Variants in FMO5 observed in about 807,000 individuals in gnomAD.
FMO5 encodes the protein flavin containing dimethylaniline monoxygenase 5.
In FMO5, 51 loss-of-function variants were observed where a neutral mutation model predicts 43.6. That is an observed-to-expected ratio of 1.17 (90% CI 0.93 to 1.48). The LOEUF (loss-of-function observed/expected upper bound fraction) is 1.48. FMO5 is among the 40% of genes most tolerant of loss of function. The pLI is 0.00. For missense variants in FMO5, 644 were observed against 643.0 expected (o/e 1.00, Z -0.02); for synonymous variants, 187 against 216.5 (o/e 0.86, Z 1.20).
chr1:147,224,784 A>T, intron 2 of FMO5, 111 bp downstream of exon 2: 1 of 984,380 alleles, frequency 1.0e-6, no homozygotes, highest in Non-Finnish European at 1.6e-6. Context: ...TGCTAGGATT[A>T]CAGGCGTGTG....
intron 6 of FMO5, chr1:147,203,330 C>A: frequency 6.3e-7 from 1 of 1,582,876 alleles, no homozygotes; most frequent in Non-Finnish European, 8.7e-7. Context: ...TTGGGCCCAC[C>A]ATCTGGTTTT....
chr1:147,218,935 C>A lies in FMO5; in HGVS notation c.136-2993G>T, dbSNP rs115994542. Among the ~76,000 whole-genome samples, 904 of 152,290 alleles carry A rather than the reference C, an allele frequency of 5.9e-3. 4 individuals are homozygous for A. The highest frequency in any genetic ancestry group is 0.01 in the Middle Eastern group (3 of 294). On this transcript the variant is annotated intron_variant, in intron 2 of 8. Coordinates refer to ENST00000254090, the MANE Select transcript of FMO5 (RefSeq NM_001461.4). ...ATTCATCCTCCAAGCTCCCAAAACTCTCTGTTCATATTTCTATAAAGATAA... is the reference window on the plus strand; with the variant it reads ...ATTCATCCTCCAAGCTCCCAAAACTATCTGTTCATATTTCTATAAAGATAA...
rs371682227 is a variant in FMO5 at position 147,201,224 on chromosome 1, A to T, written c.1111T>A (p.Leu371Met). ...LERPTLAIIGLIQPLGAIMPI... is the reference protein window; with the variant it reads ...LERPTLAIIGMIQPLGAIMPI... ...ATAATGGCTCCTAAGGGCTGAATCAAGCCTATGATTGCAAGAGTTGGCCTT... is the reference window on the plus strand; with the variant it reads ...ATAATGGCTCCTAAGGGCTGAATCATGCCTATGATTGCAAGAGTTGGCCTT... The change falls in exon 7 of 9, where the codon TTG (leucine) becomes ATG (methionine). Residue 371 changes from leucine to methionine, a missense_variant. Physicochemically the swap from Leu to Met is conservative, Grantham distance 15 (BLOSUM62 2). Coordinates refer to ENST00000254090, the MANE Select transcript of FMO5 (RefSeq NM_001461.4). 8.7e-6 allele frequency: 14 copies of T among 1,614,076 alleles called. No homozygotes were observed. In the African/African-American group the frequency reaches 1.5e-4, roughly 17 times the overall value.
At chr1:147,221,606 T>C (rs1264933206) in intron 2 of FMO5, among the ~76,000 whole-genome samples, 4 of 152,346 alleles carry the variant, frequency 2.6e-5, no homozygotes, top group East Asian at 3.9e-4. Context: ...ATTTAGAAAG[T>C]CCCTCTGTAA....
upstream of FMO5, among the ~76,000 whole-genome samples, chr1:147,227,076 G>A (rs992709806): frequency 5.3e-5 from 8 of 152,158 alleles, no homozygotes; most frequent in Non-Finnish European, 7.3e-5. Flanking sequence ...TGATCCACCT[G>A]CCTTGGCCTC....
At chr1:147,189,530 C>G (rs1553917968) in intron 8 of FMO5, among the ~76,000 whole-genome samples, 1 of 152,134 alleles carries the variant, frequency 6.6e-6, no homozygotes, top group African/African-American at 2.4e-5. Flanking sequence ...ATGATTGTGT[C>G]TCTCAGTTTT....
intron 6 of FMO5, among the ~76,000 whole-genome samples, 153 bp from the exon 7 acceptor site, chr1:147,201,657 G>C (rs1553921039): frequency 6.6e-6 from 1 of 152,166 alleles, no homozygotes; most frequent in African/African-American, 2.4e-5. Flanking sequence ...ATTTATACTA[G>C]GTTGGCACAG....
intron 5 of FMO5, chr1:147,210,023 A>G (rs1660835826): frequency 6.6e-6 from 1 of 152,176 alleles, no homozygotes; most frequent in Non-Finnish European, 1.5e-5. Context: ...ACTTCCATTT[A>G]TTGGGATTTG....
chr1:147,204,114 T>G, intron 6 of FMO5: 1 of 1,059,580 alleles, frequency 9.4e-7, no homozygotes, highest in Non-Finnish European at 1.5e-6. Context: ...TCCATGAGAT[T>G]TTCTTCTCCC....
chr1:147,223,282 C>T (rs1553926708), intron 2 of FMO5, among the ~76,000 whole-genome samples: 1 of 152,136 alleles, frequency 6.6e-6, no homozygotes. Context: ...GATGATGATA[C>T]ACGTATGCAG....
At chr1:147,190,641 G>C (rs1413417537) in intron 7 of FMO5, among the ~76,000 whole-genome samples, 1 of 151,932 alleles carries the variant, frequency 6.6e-6, no homozygotes, top group Non-Finnish European at 1.5e-5. Flanking sequence ...GATAACAAAG[G>C]GACCTTATAT....
At chr1:147,193,202 A>G (rs1158186569) in intron 7 of FMO5, among the ~76,000 whole-genome samples, 8 of 152,172 alleles carry the variant, frequency 5.3e-5, no homozygotes, top group African/African-American at 1.9e-4. Flanking sequence ...TTATTGGTCT[A>G]TTCAGAGATT....
intron 2 of FMO5, among the ~76,000 whole-genome samples, chr1:147,217,908 T>C (rs1662293552): frequency 6.6e-6 from 1 of 152,178 alleles, no homozygotes; most frequent in Admixed American, 6.5e-5. Flanking sequence ...GTACTCATGG[T>C]TTTCCCCACA....
In FMO5 at chr1:147,225,012, A is replaced by G; in HGVS notation, c.18T>C (p.Ile6=). Residue 6 remains isoleucine, a synonymous_variant, in exon 2 of 9, where the codon ATT becomes ATC. Coordinates refer to ENST00000254090, the MANE Select transcript of FMO5 (RefSeq NM_001461.4). MTKKR[I]AVIGGGVSGL... ...CGCTCACTCCTCCCCCAATCACAGC[A>G]ATTCTTTTCTTAGTCATGGTCTCCC... 6.2e-7 allele frequency: 1 copy of G among 1,612,932 alleles called. No individual in the cohort carries two copies. The highest frequency in any genetic ancestry group is 1.1e-5 in the South Asian group (1 of 91,060).
chr1:147,220,591 A>G (rs587698490), intron 2 of FMO5, among the ~76,000 whole-genome samples: 1 of 152,346 alleles, frequency 6.6e-6, no homozygotes, highest in Non-Finnish European at 1.5e-5. Context: ...GCAAAAACTG[A>G]CAAACGCTAT....
At chr1:147,198,700 A>C (rs1291777433) in intron 7 of FMO5, among the ~76,000 whole-genome samples, 6 of 151,936 alleles carry the variant, frequency 3.9e-5, no homozygotes, top group South Asian at 2.1e-4. Flanking sequence ...AACACAAAAA[A>C]ACTAGCCGGG....
At chr1:147,191,447 T>A (rs2101725183) in intron 7 of FMO5, among the ~76,000 whole-genome samples, 1 of 152,300 alleles carries the variant, frequency 6.6e-6, no homozygotes. Flanking sequence ...ATGATGAGAA[T>A]TTTTTCATGT....
At chr1:147,206,937 A>AATAT (rs1474988387) in intron 6 of FMO5, among the ~76,000 whole-genome samples, 1 of 151,664 alleles carries the variant, frequency 6.6e-6, no homozygotes, top group Non-Finnish European at 1.5e-5. Context: ...GTATAATAAA[A>AATAT]ATATATATAT....
Position 147,219,840 on chromosome 1 carries a change from C to CTTT in FMO5, c.136-3901_136-3899dup, listed in dbSNP as rs71083821. Among the ~76,000 whole-genome samples, 42 of 132,868 alleles carry CTTT rather than the reference C, an allele frequency of 3.2e-4. 1 individual carries two copies. Among genetic ancestry groups the CTTT allele is most frequent in the Admixed American group, 6.9e-4 (9 of 13,100 alleles). The allele number at this position is 132,868 out of a possible 152,430, so 87.2% of individuals were successfully genotyped here. A position where few individuals can be genotyped will look rare whatever the true frequency, so the allele number is the denominator to read the frequency against. Reference sequence around the variant, plus strand: ...ATGGTTAACATACAAATGTTAATTGCTTTTTTTTTTTTTTTTGAGACAGAG... The same window carrying CTTT: ...ATGGTTAACATACAAATGTTAATTGCTTTTTTTTTTTTTTTTTTTGAGACAGAG... On this transcript the variant is annotated intron_variant, in intron 2 of 8. Coordinates refer to ENST00000254090, the MANE Select transcript of FMO5 (RefSeq NM_001461.4).
Sources: allele counts gnomAD v4.1 joint callset (sites outside exome capture counted in the v4.1 genomes callset), GRCh38; gene constraint gnomAD v4.1.1; transcripts MANE v1.5; gene names NCBI Gene and HGNC (gene_info 2026-07-23, HGNC 2026-07-21).